ZFPM1: variants seen among roughly 807,000 people sequenced by gnomAD.
ZFPM1 encodes zinc finger protein ZFPM1.
A neutral mutation model predicts 46.3 loss-of-function variants in ZFPM1; 28 were observed. The ratio of observed to expected loss-of-function variants is 0.60; its 90% CI spans 0.45 to 0.83. The LOEUF (loss-of-function observed/expected upper bound fraction) is 0.83, where lower values mean the gene tolerates loss of function less well. Ranked by LOEUF, ZFPM1 falls within the 40% of genes least tolerant of loss-of-function variation. ZFPM1 has a pLI of 0.00. For missense variants in ZFPM1, 1,878 were observed against 1,432.4 expected (o/e 1.31, Z -5.02); for synonymous variants, 957 against 675.9 (o/e 1.42, Z -6.45).
At chr16:88,475,810 C>T (rs1301233661) in intron 1 of ZFPM1, among the ~76,000 whole-genome samples, 1 of 152,190 alleles carries the variant, frequency 6.6e-6, no homozygotes, top group African/African-American at 2.4e-5. Context: ...TGCCTGCAGC[C>T]GATGCTGCCT....
intron 3 of ZFPM1, among the ~76,000 whole-genome samples, chr16:88,504,303 C>G (rs974005390): frequency 1.3e-5 from 2 of 152,150 alleles, no homozygotes; most frequent in African/African-American, 4.8e-5. Context: ...CTGTTTTCAG[C>G]CACCAATAGG....
At position 88,533,814 on chromosome 16, in the gene ZFPM1, C is replaced by T; in HGVS notation, c.1856C>T (p.Pro619Leu). The change falls in exon 10 of 10, where the codon CCC becomes CTC. Residue 619 changes from proline (P) to leucine (L), a missense_variant. By Grantham distance (98) the Pro-to-Leu change is moderately conservative. Transcript: ENST00000319555. ...APAARRPKAPPGPARAPPGQP... is the reference protein window; with the variant it reads ...APAARRPKAPLGPARAPPGQP... Reference sequence around the variant, plus strand: ...GCCGCGCGCAGGCCCAAGGCGCCCCCCGGCCCGGCCCGCGCGCCCCCCGGC... The same window carrying T: ...GCCGCGCGCAGGCCCAAGGCGCCCCTCGGCCCGGCCCGCGCGCCCCCCGGC... 3 of 1,036,420 alleles carry T rather than the reference C, an allele frequency of 2.9e-6. No homozygotes were observed. Among genetic ancestry groups the T allele is most frequent in the African/African-American group, 1.7e-5 (1 of 57,166 alleles). 64.2% of individuals were successfully genotyped at this position (1,036,420 alleles called of 1,614,324 possible). A position where few individuals can be genotyped will look rare whatever the true frequency, so the allele number is the denominator to read the frequency against.
In ZFPM1 at chr16:88,532,352, C is replaced by A. The variant is rs530024780; in HGVS notation, c.946+117C>A. Reference sequence around the variant, plus strand: ...CACACGGTGCCACCATTCACCTGCGCGGTCTCCGGCACACCCAGGGCCCCC... The same window carrying A: ...CACACGGTGCCACCATTCACCTGCGAGGTCTCCGGCACACCCAGGGCCCCC... On this transcript the variant is annotated intron_variant, in intron 7 of 9. Transcript: ENST00000319555. 5.5e-5 allele frequency: 60 copies of A among 1,096,644 alleles called. No individual in the cohort carries two copies. The South Asian group carries it at 7.8e-4, about 14-fold the overall frequency. 67.9% of individuals were successfully genotyped at this position (1,096,644 alleles called of 1,614,324 possible). A position where few individuals can be genotyped will look rare whatever the true frequency, so the allele number is the denominator to read the frequency against.
chr16:88,508,968 G>A (rs1910806571), intron 3 of ZFPM1, among the ~76,000 whole-genome samples: 1 of 152,210 alleles, frequency 6.6e-6, no homozygotes, highest in Non-Finnish European at 1.5e-5. Context: ...CGTCATCGTG[G>A]ACAGAGGGGC....
At chr16:88,502,132 T>G (rs1193932522) in intron 3 of ZFPM1, among the ~76,000 whole-genome samples, 1 of 150,516 alleles carries the variant, frequency 6.6e-6, no homozygotes, top group Non-Finnish European at 1.5e-5. Flanking sequence ...TCTCTGCGTG[T>G]AACTTTTTAT....
intron 1 of ZFPM1, among the ~76,000 whole-genome samples, chr16:88,467,534 G>A (rs1021373338): frequency 1.3e-5 from 2 of 152,258 alleles, no homozygotes; most frequent in African/African-American, 4.8e-5. Context: ...CCCTCTCAGA[G>A]TCCTTTCAAG....
intron 1 of ZFPM1, among the ~76,000 whole-genome samples, chr16:88,485,387 C>G (rs1218235549): frequency 6.6e-6 from 1 of 151,444 alleles, no homozygotes; most frequent in Non-Finnish European, 1.5e-5. Context: ...GGAGGCGACC[C>G]TGCAGCTTTG....
chr16:88,459,369 C>G (rs913249994), intron 1 of ZFPM1, among the ~76,000 whole-genome samples: 2 of 152,286 alleles, frequency 1.3e-5, no homozygotes, highest in South Asian at 2.1e-4. Context: ...ACTTACTGGC[C>G]GTGGAACTAT....
At chr16:88,464,038 G>C (rs1908016455) in intron 1 of ZFPM1, among the ~76,000 whole-genome samples, 1 of 152,230 alleles carries the variant, frequency 6.6e-6, no homozygotes, top group Non-Finnish European at 1.5e-5. Context: ...CCTTGATCGA[G>C]GTGTTTGTTC....
chr16:88,533,911 G>A lies in ZFPM1; in HGVS notation c.1953G>A (p.Ala651=). ...PGAREEGAGG[A]ATPEDGAGGR... ...CGCGCGAGGAGGGGGCTGGGGGCGCGGCCACGCCCGAGGACGGCGCGGGCG... is the reference window on the plus strand; with the variant it reads ...CGCGCGAGGAGGGGGCTGGGGGCGCAGCCACGCCCGAGGACGGCGCGGGCG... The change falls in exon 10 of 10, where the codon GCG becomes GCA. Residue 651 remains alanine (A), a synonymous_variant. Transcript: ENST00000319555. 8.8e-7 allele frequency: 1 copy of A among 1,141,518 alleles called. No individual in the cohort carries two copies. Among genetic ancestry groups the A allele is most frequent in the Non-Finnish European group, 1.1e-6 (1 of 919,972 alleles). 70.7% of individuals were successfully genotyped at this position (1,141,518 alleles called of 1,614,324 possible).
chr16:88,468,107 C>A (rs1310675710), intron 1 of ZFPM1, among the ~76,000 whole-genome samples: 1 of 137,512 alleles, frequency 7.3e-6, no homozygotes, highest in Admixed American at 7.2e-5. Flanking sequence ...GACGCACCTG[C>A]GAGCCCACCG....
rs926741337 is a variant in ZFPM1, at chr16:88,477,696, AAAAAG to A, written c.41-8227_41-8223del. Reference sequence around the variant, plus strand: ...GGCAACAAAGCAAGACCCCGTCTCAAAAAAGAAAAGAAAAGAAAAGCAAAACCAAG... The same window carrying A: ...GGCAACAAAGCAAGACCCCGTCTCAAAAAAGAAAAGAAAAGCAAAACCAAG... On this transcript the variant is annotated intron_variant, in intron 1 of 9. Transcript: ENST00000319555. Among the ~76,000 whole-genome samples the A allele has an allele frequency of 4.6e-5, 7 of 152,244 alleles. No individual in the cohort carries two copies. The East Asian group carries it at 5.8e-4, about 13-fold the overall frequency.
intron 4 of ZFPM1, among the ~76,000 whole-genome samples, chr16:88,514,743 C>A (rs571103774): frequency 1.3e-5 from 2 of 152,288 alleles, no homozygotes; most frequent in South Asian, 2.1e-4. Context: ...CCAGGGAGGA[C>A]TTCCTGGAGG....
In ZFPM1 at chr16:88,453,643, C is replaced by G; in HGVS notation, c.5C>G (p.Ser2Cys). 8.5e-7 allele frequency: 1 copy of G among 1,172,528 alleles called. No individual in the cohort carries two copies. Among genetic ancestry groups the G allele is most frequent in the Non-Finnish European group, 1.1e-6 (1 of 931,760 alleles). 72.6% of individuals were successfully genotyped at this position (1,172,528 alleles called of 1,614,324 possible). The stretch of plus-strand genomic sequence containing the variant: ...AGGGCGCGCGGCGCCGGAGACATGT[C>G]CAGGCGGAAACAGAGCAACCCCCGG... M[S>C]RRKQSNPRQI... Residue 2 changes from serine to cysteine, a missense_variant, in exon 1 of 10, where the codon TCC (serine) becomes TGC (cysteine). Physicochemically the swap from Ser to Cys is moderately radical, Grantham distance 112 (BLOSUM62 -1). Transcript: ENST00000319555.
Position 88,535,016 on chromosome 16 carries a change from C to A in ZFPM1, c.*37C>A. The stretch of plus-strand genomic sequence containing the variant: ...ACAGCCGCAGACGCTTTGCACGCCC[C>A]GCTGCGATGCGGGGAGGGGGCCGCC... On this transcript the variant is annotated 3_prime_UTR_variant, in exon 10 of 10. Coordinates refer to ENST00000319555, the MANE Select transcript of ZFPM1 (RefSeq NM_153813.3). The A allele has an allele frequency of 1.5e-6, 2 of 1,354,382 alleles. No individual in the cohort carries two copies. Among genetic ancestry groups the A allele is most frequent in the Non-Finnish European group, 1.9e-6 (2 of 1,044,630 alleles). The allele number at this position is 1,354,382 out of a possible 1,614,324, so 83.9% of individuals were successfully genotyped here.
intron 5 of ZFPM1, 53 bp from the exon 6 acceptor site, chr16:88,527,979 G>C (rs1225200816): frequency 6.8e-7 from 1 of 1,475,950 alleles, no homozygotes; most frequent in Non-Finnish European, 9.1e-7. Context: ...GTTTAAGACG[G>C]GACAGGGAAG....
chr16:88,510,725 G>A (rs888490562), intron 3 of ZFPM1, among the ~76,000 whole-genome samples: 5 of 152,154 alleles, frequency 3.3e-5, no homozygotes, highest in South Asian at 4.1e-4. Flanking sequence ...AGTCAGCCAC[G>A]GGGCCACCAG....
At chr16:88,486,853 G>A (rs576092486) in intron 2 of ZFPM1, among the ~76,000 whole-genome samples, 82 of 151,956 alleles carry the variant, frequency 5.4e-4, no homozygotes, top group African/African-American at 1.9e-3. Flanking sequence ...CTGGGTGCAA[G>A]TGGGTGCTGG....
intron 4 of ZFPM1, among the ~76,000 whole-genome samples, chr16:88,523,021 C>A (rs993330812): frequency 1.3e-5 from 2 of 152,136 alleles, no homozygotes; most frequent in Non-Finnish European, 2.9e-5. Context: ...GTCTGCCCAA[C>A]ATAGTGAAAC....
Sources: allele counts gnomAD v4.1 joint callset (sites outside exome capture counted in the v4.1 genomes callset), GRCh38; gene constraint gnomAD v4.1.1; transcripts MANE v1.5; gene names NCBI Gene and HGNC (gene_info 2026-07-23, HGNC 2026-07-21).